Variants in RIGI observed in about 807,000 individuals in gnomAD.
RIGI encodes antiviral innate immune response receptor RIG-I.
the RIGI span, chr9:32,467,851 A>T: frequency 6.2e-7 from 1 of 1,613,820 alleles, no homozygotes. Context: ...TTCATCAGCA[A>T]CTGAGGTGGC....
At chr9:32,466,209 T>G in the RIGI span, 15 of 1,423,282 alleles carry the variant, frequency 1.1e-5, no homozygotes, top group Middle Eastern at 3.5e-4. Flanking sequence ...CTAAGCAATA[T>G]GATAAAAGAT....
chr9:32,498,054 C>T, the RIGI span, among the ~76,000 whole-genome samples: 1 of 152,208 alleles, frequency 6.6e-6, no homozygotes, highest in Non-Finnish European at 1.5e-5. Context: ...GAAAGACTTG[C>T]TCCATTGCTG....
the RIGI span, among the ~76,000 whole-genome samples, chr9:32,513,195 T>G: frequency 4.6e-5 from 7 of 152,030 alleles, no homozygotes; most frequent in African/African-American, 1.7e-4. Context: ...ACCAATGACT[T>G]TCTTCACAGA....
At chr9:32,476,221 T>C in the RIGI span, among the ~76,000 whole-genome samples, 2 of 152,140 alleles carry the variant, frequency 1.3e-5, no homozygotes, top group Non-Finnish European at 2.9e-5. Flanking sequence ...GTGACTAACA[T>C]AGTGACAGCA....
the RIGI span, among the ~76,000 whole-genome samples, chr9:32,470,415 T>C: frequency 3.9e-5 from 6 of 152,206 alleles, no homozygotes; most frequent in Non-Finnish European, 8.8e-5. Flanking sequence ...AGACAATACA[T>C]ACATGAATGG....
the RIGI span, among the ~76,000 whole-genome samples, chr9:32,512,148 A>T: frequency 6.6e-6 from 1 of 152,196 alleles, no homozygotes; most frequent in Admixed American, 6.5e-5. Flanking sequence ...TACAAAGAGG[A>T]GCTTATACCA....
chr9:32,511,224 G>C, the RIGI span, among the ~76,000 whole-genome samples: 2 of 152,044 alleles, frequency 1.3e-5, no homozygotes, highest in Non-Finnish European at 2.9e-5. Context: ...CTCAGCTCTG[G>C]ACAAAGCTGA....
At chr9:32,456,108 G>C in the RIGI span, 1 of 152,164 alleles carries the variant, frequency 6.6e-6, no homozygotes. Flanking sequence ...CAAGTAGAAA[G>C]GACAGTCAGA....
At chr9:32,466,312 T>C in the RIGI span, 7 of 1,613,766 alleles carry the variant, frequency 4.3e-6, no homozygotes, top group African/African-American at 9.3e-5. Context: ...TACTGCTTCG[T>C]CCCATGTCTG....
At chr9:32,491,779 T>C in the RIGI span, among the ~76,000 whole-genome samples, 4 of 150,934 alleles carry the variant, frequency 2.7e-5, no homozygotes, top group Non-Finnish European at 5.9e-5. Flanking sequence ...TCTGACTGAC[T>C]CTTGACCCAT....
chr9:32,468,444 T>C, the RIGI span, among the ~76,000 whole-genome samples: 1 of 152,146 alleles, frequency 6.6e-6, no homozygotes, highest in Non-Finnish European at 1.5e-5. Context: ...GGCAGGTGAA[T>C]CACTTGAGCC....
At chr9:32,477,503 G>A in the RIGI span, among the ~76,000 whole-genome samples, 4,134 of 152,256 alleles carry the variant, frequency 0.027, 84 homozygotes, top group Middle Eastern at 0.037. Context: ...CTATGCATCT[G>A]ATGTTAATAC....
chr9:32,511,725 T>C, the RIGI span, among the ~76,000 whole-genome samples: 2 of 151,754 alleles, frequency 1.3e-5, no homozygotes, highest in South Asian at 4.2e-4. Flanking sequence ...AAGAAATAAC[T>C]AAGATCAGAG....
the RIGI span, among the ~76,000 whole-genome samples, chr9:32,467,345 T>C: frequency 6.6e-6 from 1 of 152,022 alleles, no homozygotes. Flanking sequence ...CTTATGGAAT[T>C]TTAAGAAGAA....
At chr9:32,456,838 G>A in the RIGI span, 2 of 366,552 alleles carry the variant, frequency 5.5e-6, no homozygotes, top group South Asian at 3.6e-5. Flanking sequence ...TGTGTACAGA[G>A]TGATTACTGT....
the RIGI span, among the ~76,000 whole-genome samples, chr9:32,496,262 A>G: frequency 6.6e-6 from 1 of 152,134 alleles, no homozygotes; most frequent in Non-Finnish European, 1.5e-5. Context: ...TTGATTTTGT[A>G]TATAGTGTGT....
the RIGI span, among the ~76,000 whole-genome samples, chr9:32,476,616 T>A: frequency 2.6e-5 from 4 of 151,230 alleles, no homozygotes; most frequent in African/African-American, 9.7e-5. Context: ...CATACACATA[T>A]ATGGTTTCTT....
the RIGI span, chr9:32,477,091 G>T: frequency 6.2e-7 from 1 of 1,613,998 alleles, no homozygotes; most frequent in South Asian, 1.1e-5. Context: ...GATTCTCATT[G>T]CTGGGATCCC....
the RIGI span, chr9:32,487,707 T>C: frequency 6.4e-7 from 1 of 1,553,504 alleles, no homozygotes; most frequent in East Asian, 2.3e-5. Context: ...ATATAACTCT[T>C]TCCTGCTGGG....
Sources: gnomAD v4.1 joint callset for allele counts (sites outside exome capture counted in the v4.1 genomes callset) on GRCh38, gnomAD v4.1.1 for gene constraint, MANE v1.5 for transcripts, NCBI Gene and HGNC (gene_info 2026-07-23, HGNC 2026-07-21) for gene names.